The following LRP2 variants were observed in gnomAD, a reference collection of about 807,000 sequenced individuals.
LRP2 encodes low-density lipoprotein receptor-related protein 2.
A neutral mutation model predicts 531.0 loss-of-function variants in LRP2; 172 were observed. That is an observed-to-expected ratio of 0.32 (90% CI 0.29 to 0.37). The LOEUF is 0.37. Among genes scored for constraint, LRP2 ranks in the 10% least tolerant of loss-of-function variants. LRP2 has a pLI of 1.00. For synonymous variants in LRP2, 1,992 were observed against 2,027.6 expected, an observed-to-expected ratio of 0.98 and a Z score of 0.47; for missense variants, 5,167 against 5,868.3, an observed-to-expected ratio of 0.88 and a Z score of 3.90.
intron 31 of LRP2, among the ~76,000 whole-genome samples, chr2:169,230,766 T>C (rs1434387288): frequency 1.3e-5 from 2 of 152,238 alleles, no homozygotes; most frequent in African/African-American, 2.4e-5. Context: ...ATGCAACTTT[T>C]CCTTCTTTTC....
At chr2:169,258,016 T>A (rs1353691789) in intron 17 of LRP2, among the ~76,000 whole-genome samples, 2 of 152,100 alleles carry the variant, frequency 1.3e-5, no homozygotes, top group African/African-American at 4.8e-5. Context: ...AGGCCAAAAG[T>A]TTGAGTTAAG....
chr2:169,247,070 C>T (rs925289565), intron 20 of LRP2, 84 bp from the exon 21 acceptor site: 12 of 1,482,526 alleles, frequency 8.1e-6, no homozygotes, highest in Non-Finnish European at 1.1e-5. Context: ...GGAAAACAAA[C>T]AGGACAAAAC....
intron 63 of LRP2, among the ~76,000 whole-genome samples, chr2:169,161,227 G>A (rs966769590): frequency 6.6e-6 from 1 of 152,198 alleles, no homozygotes; most frequent in Non-Finnish European, 1.5e-5. Context: ...CCACAAGGAA[G>A]TTACTTAAGC....
Position 169,256,090 on chromosome 2 carries a change from T to A in LRP2, c.2770+16A>T, listed in dbSNP as rs370798375. 6.2e-7 allele frequency: 1 copy of A among 1,612,038 alleles called. No individual in the cohort carries two copies. The highest frequency in any genetic ancestry group is 1.3e-5 in the African/African-American group (1 of 74,854). ...TGTATAAAAACAATACATACTTTTA[T>A]TGCTTTAAAACATACCTCCAAAGAT... On this transcript the variant is annotated intron_variant, in intron 19 of 78. Coordinates refer to ENST00000649046, the MANE Select transcript of LRP2 (RefSeq NM_004525.3).
At chr2:169,335,330 G>C (rs1394296646) in intron 1 of LRP2, among the ~76,000 whole-genome samples, 1 of 152,184 alleles carries the variant, frequency 6.6e-6, no homozygotes, top group South Asian at 2.1e-4. Context: ...AGAAATTGAT[G>C]ATAAACATAC....
In LRP2 at chr2:169,294,128, G is replaced by A. The variant is rs1684075535; in HGVS notation, c.652+20C>T. 5.9e-6 allele frequency: 9 copies of A among 1,520,062 alleles called. No individual in the cohort carries two copies. The African/African-American group carries it at 6.9e-5, about 12-fold the overall frequency. 94.2% of individuals were successfully genotyped at this position (1,520,062 alleles called of 1,614,324 possible). Reference sequence around the variant, plus strand: ...AAAACACTCCCAACAACATGACCCAGCATAAAGAAATCACCGTACTGCAAG... The same window carrying A: ...AAAACACTCCCAACAACATGACCCAACATAAAGAAATCACCGTACTGCAAG... On this transcript the variant is annotated intron_variant, in intron 6 of 78. Coordinates refer to ENST00000649046, the MANE Select transcript of LRP2 (RefSeq NM_004525.3).
At chr2:169,175,643 C>A (rs1337513340) in intron 54 of LRP2, among the ~76,000 whole-genome samples, 3 of 149,698 alleles carry the variant, frequency 2.0e-5, no homozygotes, top group African/African-American at 2.5e-5. Context: ...ATTTCCTCCA[C>A]AAAAAAAAAA....
rs527505086 is a variant in LRP2, at chr2:169,329,427, T to C, written c.80-8543A>G. ...CAGAAGCTTAGCATGGGTGAGGGTCTAATAAGTATGACCCAAGCAGTGATG... is the reference window on the plus strand; with the variant it reads ...CAGAAGCTTAGCATGGGTGAGGGTCCAATAAGTATGACCCAAGCAGTGATG... On this transcript the variant is annotated intron_variant, in intron 1 of 78. Coordinates refer to ENST00000649046, the MANE Select transcript of LRP2 (RefSeq NM_004525.3). 2.0e-5 allele frequency among the ~76,000 whole-genome samples: 3 copies of C among 152,218 alleles called. No individual in the cohort carries two copies. In the East Asian group the frequency reaches 5.8e-4, roughly 29 times the overall value.
At position 169,256,196 on chromosome 2, in the gene LRP2, T is replaced by C; in HGVS notation, c.2680A>G (p.Ile894Val). ...AAACCATCAAAGGTGCTGTGCTCAA[T>C]TTTATCAAAATAGGCATCTACCCAG... The part of the protein sequence containing the change: ...LYWVDAYFDK[I>V]EHSTFDGLDR... The change falls in exon 19 of 79, where the codon ATT becomes GTT. Residue 894 changes from isoleucine to valine, a missense_variant. Transcript: ENST00000649046. 1 of 1,613,026 alleles carries C rather than the reference T, an allele frequency of 6.2e-7. No individual in the cohort carries two copies. Among genetic ancestry groups the C allele is most frequent in the African/African-American group, 1.3e-5 (1 of 75,004 alleles).
At chr2:169,305,548 G>A (rs925094282) in intron 4 of LRP2, among the ~76,000 whole-genome samples, 1 of 152,164 alleles carries the variant, frequency 6.6e-6, no homozygotes, top group Non-Finnish European at 1.5e-5. Flanking sequence ...GAGATATCCC[G>A]TGAGAATAGG....
In LRP2 at chr2:169,188,088, G is replaced by A; in HGVS notation, c.9210C>T (p.Thr3070=). ...CGTGAGGTGGACACGTGGGTTCTGG[G>A]GTGTGGCACAGGTGCATCAGCTCAT... ...GSDELMHLCH[T]PEPTCPPHEF... Residue 3070 remains threonine, a synonymous_variant, in exon 49 of 79, where the codon ACC becomes ACT. Coordinates refer to ENST00000649046, the MANE Select transcript of LRP2 (RefSeq NM_004525.3). 6.2e-7 allele frequency: 1 copy of A among 1,614,032 alleles called. No individual in the cohort carries two copies. The highest frequency in any genetic ancestry group is 1.1e-5 in the South Asian group (1 of 91,060).
intron 50 of LRP2, among the ~76,000 whole-genome samples, chr2:169,185,092 T>A (rs528997513): frequency 2.0e-5 from 3 of 152,296 alleles, no homozygotes; most frequent in African/African-American, 7.2e-5. Flanking sequence ...GGCTATGTAC[T>A]TCAGGAGAGC....
Position 169,239,779 on chromosome 2 carries a change from G to GA in LRP2, c.4046-5dup, listed in dbSNP as rs373212736. On this transcript the variant is annotated splice_region_variant and splice_polypyrimidine_tract_variant and intron_variant, in intron 25 of 78. Coordinates refer to ENST00000649046, the MANE Select transcript of LRP2 (RefSeq NM_004525.3). ...AAATCTGAGCAGCTGTTCCCATCTA[G>GA]AAAAAAGAAAGAGAATAATGAAAAA... is the stretch of plus-strand genomic sequence containing the variant. 5.0e-6 allele frequency: 8 copies of GA among 1,612,226 alleles called. No homozygotes were observed. In the African/African-American group the frequency reaches 8.0e-5, roughly 16 times the overall value.
chr2:169,258,531 T>C (rs1690406433), intron 17 of LRP2, among the ~76,000 whole-genome samples: 1 of 152,142 alleles, frequency 6.6e-6, no homozygotes, highest in South Asian at 2.1e-4. Flanking sequence ...AAAGGAATAC[T>C]GTGAACTCTT....
intron 9 of LRP2, among the ~76,000 whole-genome samples, chr2:169,284,824 C>T (rs183123124): frequency 8.5e-5 from 13 of 152,234 alleles, no homozygotes; most frequent in African/African-American, 2.4e-4. Context: ...GGACATTCTC[C>T]CTCAAACCCC....
In LRP2 at chr2:169,213,888, T is replaced by C. The variant is rs1182494044; in HGVS notation, c.5827-18A>G. On this transcript the variant is annotated intron_variant, in intron 35 of 78. Transcript: ENST00000649046. Reference sequence around the variant, plus strand: ...CTTTCAATCTAAAGGATTGGAATTTTCATTAGTTTCATGGATTCATAGTGA... The same window carrying C: ...CTTTCAATCTAAAGGATTGGAATTTCCATTAGTTTCATGGATTCATAGTGA... 6.4e-7 allele frequency: 1 copy of C among 1,558,444 alleles called. No individual in the cohort carries two copies. Among genetic ancestry groups the C allele is most frequent in the Admixed American group, 1.7e-5 (1 of 59,852 alleles).
chr2:169,350,723 C>CAAAA (rs35301449), intron 1 of LRP2, among the ~76,000 whole-genome samples: 936 of 68,180 alleles, frequency 0.014, 31 homozygotes, highest in Middle Eastern at 0.025. Context: ...GACTCCATCG[C>CAAAA]AAAAAAAAAA....
intron 1 of LRP2, among the ~76,000 whole-genome samples, chr2:169,332,310 T>A (rs919431708): frequency 6.6e-6 from 1 of 152,174 alleles, no homozygotes; most frequent in Non-Finnish European, 1.5e-5. Context: ...TCCTTCTCCC[T>A]AACTCCATAT....
chr2:169,283,424 C>T (rs796578140), intron 9 of LRP2, among the ~76,000 whole-genome samples: 1 of 152,170 alleles, frequency 6.6e-6, no homozygotes, highest in South Asian at 2.1e-4. Context: ...TAATAATTTG[C>T]TTTCCTAGTC....
Sources: gnomAD v4.1 joint callset for allele counts (sites outside exome capture counted in the v4.1 genomes callset) on GRCh38, gnomAD v4.1.1 for gene constraint, MANE v1.5 for transcripts, NCBI Gene and HGNC (gene_info 2026-07-23, HGNC 2026-07-21) for gene names.